Variants in KIRREL3 observed in about 807,000 individuals in gnomAD.
The protein encoded by KIRREL3 is kin of IRRE-like protein 3.
In KIRREL3, 36 loss-of-function variants were observed where a neutral mutation model predicts 89.7. The ratio of observed to expected loss-of-function variants is 0.40; its 90% CI spans 0.31 to 0.53. The LOEUF (loss-of-function observed/expected upper bound fraction) is 0.53. Among genes scored for constraint, KIRREL3 ranks in the 20% least tolerant of loss-of-function variants. The pLI, the probability that KIRREL3 is intolerant of heterozygous loss-of-function variation, is 0.49. For synonymous variants in KIRREL3, 445 were observed against 441.4 expected, an observed-to-expected ratio of 1.01 and a Z score of -0.10; for missense variants, 864 against 1,056.6, an observed-to-expected ratio of 0.82 and a Z score of 2.53.
rs1940853828 is a variant in KIRREL3 at position 126,570,630 on chromosome 11, C to A, written c.56-7718G>T. Among the ~76,000 whole-genome samples the A allele has an allele frequency of 6.6e-6, 1 of 152,210 alleles. No homozygotes were observed. Among genetic ancestry groups the A allele is most frequent in the East Asian group, 1.9e-4 (1 of 5,186 alleles). Reference sequence around the variant, plus strand: ...GTGGCAGTGCCTAACACTGGGATAACCCTTTGCCAGCCCTGCCTTCTCCAG... The same window carrying A: ...GTGGCAGTGCCTAACACTGGGATAAACCTTTGCCAGCCCTGCCTTCTCCAG... On this transcript the variant is annotated intron_variant, in intron 1 of 16. Transcript: ENST00000525144. The surrounding 1 kb of genome is among the most constrained non-coding windows in gnomAD (Gnocchi z 6.1).
chr11:126,782,677 A>C lies in KIRREL3; in HGVS notation c.55+217778T>G, dbSNP rs910631513. Among the ~76,000 whole-genome samples, 1 of 152,232 alleles carries C rather than the reference A, an allele frequency of 6.6e-6. No individual in the cohort carries two copies. Among genetic ancestry groups the C allele is most frequent in the East Asian group, 1.9e-4 (1 of 5,206 alleles). On this transcript the variant is annotated intron_variant, in intron 1 of 16. Transcript: ENST00000525144. The surrounding 1 kb of genome is among the most constrained non-coding windows in gnomAD (Gnocchi z 4.1). The stretch of plus-strand genomic sequence containing the variant: ...TACAGATAAGCAAAAGGAGGGGGCT[A>C]GAATGATCCAGATCCACGTGGTAAT...
chr11:126,998,436 A>C (rs1565489331), intron 1 of KIRREL3, among the ~76,000 whole-genome samples: 1 of 152,154 alleles, frequency 6.6e-6, no homozygotes, highest in Non-Finnish European at 1.5e-5. Flanking sequence ...CCTGTTTTCC[A>C]GCCTCTGGAC....
In KIRREL3 at chr11:126,611,543, C is replaced by A. The variant is rs1943128822; in HGVS notation, c.56-48631G>T. 6.6e-6 allele frequency among the ~76,000 whole-genome samples: 1 copy of A among 152,200 alleles called. No individual in the cohort carries two copies. The highest frequency in any genetic ancestry group is 1.5e-5 in the Non-Finnish European group (1 of 68,040). On this transcript the variant is annotated intron_variant, in intron 1 of 16. Coordinates refer to ENST00000525144, the MANE Select transcript of KIRREL3 (RefSeq NM_032531.4). The surrounding 1 kb of genome is among the most constrained non-coding windows in gnomAD (Gnocchi z 4.7). Reference sequence around the variant, plus strand: ...CTTCATCTCCTTTGTTTTCCACTTGCTTAGTTTCCTACTCTTCCCTTTATC... The same window carrying A: ...CTTCATCTCCTTTGTTTTCCACTTGATTAGTTTCCTACTCTTCCCTTTATC...
rs1950177631 is a variant in KIRREL3 at position 126,996,291 on chromosome 11, C to T, written c.55+4164G>A. Among the ~76,000 whole-genome samples the T allele has an allele frequency of 6.6e-6, 1 of 152,228 alleles. No individual in the cohort carries two copies. The highest frequency in any genetic ancestry group is 1.5e-5 in the Non-Finnish European group (1 of 68,036). ...GGTTCTGGTAGGAGGGAGAAACACA[C>T]ATTACTTCCCTCATCTTTTGTTTTA... On this transcript the variant is annotated intron_variant, in intron 1 of 16. Transcript: ENST00000525144. The surrounding 1 kb of genome is among the most constrained non-coding windows in gnomAD (Gnocchi z 4.7).
chr11:126,934,179 T>G (rs1337889136), intron 1 of KIRREL3, among the ~76,000 whole-genome samples: 1 of 151,770 alleles, frequency 6.6e-6, no homozygotes, highest in Non-Finnish European at 1.5e-5. Context: ...TATTTAGGGA[T>G]TTTTTTAAAG....
chr11:126,915,619 T>C (rs1251879463), intron 1 of KIRREL3, among the ~76,000 whole-genome samples: 1 of 152,170 alleles, frequency 6.6e-6, no homozygotes, highest in East Asian at 1.9e-4. Context: ...AGTGGAACTG[T>C]AGTGTTGGAA....
Position 126,724,729 on chromosome 11 carries a change from G to C in KIRREL3, c.56-161817C>G, listed in dbSNP as rs1296770851. The stretch of plus-strand genomic sequence containing the variant: ...TTTGAATGCTGAGATTGGGAAGCAA[G>C]ACTGAGACCTGCTTATGGGCCAAGG... On this transcript the variant is annotated intron_variant, in intron 1 of 16. Coordinates refer to ENST00000525144, the MANE Select transcript of KIRREL3 (RefSeq NM_032531.4). The surrounding 1 kb of genome is among the most constrained non-coding windows in gnomAD (Gnocchi z 4.3). Among the ~76,000 whole-genome samples the C allele has an allele frequency of 2.6e-5, 4 of 152,238 alleles. No homozygotes were observed. The highest frequency in any genetic ancestry group is 5.9e-5 in the Non-Finnish European group (4 of 68,046).
At chr11:126,874,949 C>T (rs1945227035) in intron 1 of KIRREL3, among the ~76,000 whole-genome samples, 1 of 152,196 alleles carries the variant, frequency 6.6e-6, no homozygotes. Flanking sequence ...TCATGCTCCC[C>T]TGTGTCTCAC....
chr11:126,524,955 G>C (rs1686711832), intron 3 of KIRREL3, among the ~76,000 whole-genome samples: 1 of 152,188 alleles, frequency 6.6e-6, no homozygotes. Context: ...TTTATCAGGA[G>C]TTTGAGGTCA....
chr11:126,957,278 T>C (rs911058630), intron 1 of KIRREL3, among the ~76,000 whole-genome samples: 1 of 152,212 alleles, frequency 6.6e-6, no homozygotes, highest in Non-Finnish European at 1.5e-5. Context: ...TGAAAACTGC[T>C]CATGACTGCA....
Position 126,477,807 on chromosome 11 carries a change from C to T in KIRREL3, c.434-4341G>A, listed in dbSNP as rs535423250. ...TGGGATGGTTGGTCTCTGAGCATGG[C>T]TGATCGGTGGCAGCTGGAGGGGTGG... On this transcript the variant is annotated intron_variant, in intron 4 of 16. Coordinates refer to ENST00000525144, the MANE Select transcript of KIRREL3 (RefSeq NM_032531.4). This position sits in a 1 kb window ranked among gnomAD's most constrained non-coding sequence, Gnocchi z 4.8. Among the ~76,000 whole-genome samples the T allele has an allele frequency of 1.3e-5, 2 of 152,274 alleles. No individual in the cohort carries two copies. Among genetic ancestry groups the T allele is most frequent in the East Asian group, 3.9e-4 (2 of 5,158 alleles).
chr11:126,450,490 AGT>A (rs1177101000), intron 7 of KIRREL3, among the ~76,000 whole-genome samples: 5 of 87,096 alleles, frequency 5.7e-5, no homozygotes, highest in Admixed American at 1.1e-4. Flanking sequence ...TGTGGGTGTG[AGT>A]GTGTGCATGT....
At position 126,525,776 on chromosome 11, in the gene KIRREL3, T is replaced by C. The variant is rs1011870978; in HGVS notation, c.283+762A>G. Among the ~76,000 whole-genome samples, 2 of 152,198 alleles carry C rather than the reference T, an allele frequency of 1.3e-5. No homozygotes were observed. Among genetic ancestry groups the C allele is most frequent in the Non-Finnish European group, 2.9e-5 (2 of 68,036 alleles). ...GCCTACCTGTAGGACAGAATAATGA[T>C]AGCTGAAGGGTGTGTGACCAGGGGG... On this transcript the variant is annotated intron_variant, in intron 3 of 16. Transcript: ENST00000525144. This position sits in a 1 kb window ranked among gnomAD's most constrained non-coding sequence, Gnocchi z 5.4.
rs1036209196 is a variant in KIRREL3, at chr11:126,912,592, G to A, written c.55+87863C>T. ...CATCTTATCTATTCATCTGGAATAC[G>A]ATCCTGATGAACAGGAGAAGGGAGA... On this transcript the variant is annotated intron_variant, in intron 1 of 16. Transcript: ENST00000525144. The surrounding 1 kb of genome is among the most constrained non-coding windows in gnomAD (Gnocchi z 4.7). 1.3e-5 allele frequency among the ~76,000 whole-genome samples: 2 copies of A among 152,158 alleles called. No homozygotes were observed. The highest frequency in any genetic ancestry group is 2.4e-5 in the African/African-American group (1 of 41,442).
intron 1 of KIRREL3, among the ~76,000 whole-genome samples, chr11:126,722,456 C>T (rs530847409): frequency 2.0e-5 from 3 of 152,344 alleles, no homozygotes; most frequent in South Asian, 2.1e-4. Flanking sequence ...TAACTTACAC[C>T]ATATCAGGGG....
chr11:126,536,594 G>A (rs1476298451), intron 2 of KIRREL3, among the ~76,000 whole-genome samples: 1 of 150,158 alleles, frequency 6.7e-6, no homozygotes, highest in Admixed American at 6.6e-5. Context: ...CCTGGAGCCT[G>A]ATGTGGGATC....
At chr11:126,988,857 G>A (rs535244) in intron 1 of KIRREL3, among the ~76,000 whole-genome samples, 18,980 of 152,188 alleles carry the variant, frequency 0.12, 1,377 homozygotes, top group Middle Eastern at 0.21. Flanking sequence ...ACAAGGCTTC[G>A]GGGGTAGAGA....
At chr11:126,450,745 G>T in intron 7 of KIRREL3, among the ~76,000 whole-genome samples, 1 of 151,830 alleles carries the variant, frequency 6.6e-6, no homozygotes, top group African/African-American at 2.4e-5. Flanking sequence ...ATGTGTGAGT[G>T]TGGGCATGTA....
rs573244214 is a variant in KIRREL3 at position 126,904,146 on chromosome 11, C to T, written c.55+96309G>A. On this transcript the variant is annotated intron_variant, in intron 1 of 16. Transcript: ENST00000525144. This position sits in a 1 kb window ranked among gnomAD's most constrained non-coding sequence, Gnocchi z 4.4. ...ATGGCATAGAAAAAACTGCCTCACT[C>T]TAAGAGAACCATACCCTTTGAAGCC... Among the ~76,000 whole-genome samples, 76 of 152,298 alleles carry T rather than the reference C, an allele frequency of 5.0e-4. No individual in the cohort carries two copies. The highest frequency in any genetic ancestry group is 1.7e-3 in the African/African-American group (71 of 41,566).
Sources: gnomAD v4.1 joint callset for allele counts (sites outside exome capture counted in the v4.1 genomes callset) on GRCh38, gnomAD v4.1.1 for gene constraint, Gnocchi (gnomAD v3.1) non-coding constraint, MANE v1.5 for transcripts, NCBI Gene and HGNC (gene_info 2026-07-23, HGNC 2026-07-21) for gene names.